Variants in CYTH3 observed in about 807,000 individuals in gnomAD.
CYTH3 encodes the protein cytohesin-3.
A neutral mutation model predicts 55.1 loss-of-function variants in CYTH3; 23 were observed. That is an observed-to-expected ratio of 0.42 (90% CI 0.30 to 0.59). CYTH3 has a LOEUF of 0.59. Ranked by LOEUF, CYTH3 falls within the 20% of genes least tolerant of loss-of-function variation. The probability of loss-of-function intolerance (pLI) is 0.20; values close to 1 mark genes in which losing one functional copy is unlikely to be tolerated. For missense variants in CYTH3, 413 were observed against 524.8 expected (o/e 0.79, Z 2.08); for synonymous variants, 249 against 194.9 (o/e 1.28, Z -2.31).
rs1041246728 is a variant in CYTH3 at position 6,164,033 on chromosome 7, A to G, written c.*911T>C. The G allele has an allele frequency of 1.3e-5, 2 of 152,192 alleles. No individual in the cohort carries two copies. Among genetic ancestry groups the G allele is most frequent in the Non-Finnish European group, 2.9e-5 (2 of 68,024 alleles). The allele number at this position is 152,192 out of a possible 1,614,324, so 9.4% of individuals were successfully genotyped here. ...TCCTAGGAGTTAGCAGTTACAGCCT[A>G]AACACCCCCAAACCATTAACTGTTA... On this transcript the variant is annotated 3_prime_UTR_variant, in exon 13 of 13. Transcript: ENST00000350796.
intron 1 of CYTH3, among the ~76,000 whole-genome samples, chr7:6,228,154 T>C (rs1252160251): frequency 6.6e-6 from 1 of 152,250 alleles, no homozygotes; most frequent in African/African-American, 2.4e-5. Flanking sequence ...TCCTTGATTC[T>C]CTATTCCCTT....
chr7:6,253,763 C>A (rs1780032662), intron 1 of CYTH3, among the ~76,000 whole-genome samples: 1 of 151,970 alleles, frequency 6.6e-6, no homozygotes, highest in South Asian at 2.1e-4. Flanking sequence ...TTGCAGTGAG[C>A]CGAGATCATG....
chr7:6,243,700 C>G (rs1488976825), intron 1 of CYTH3, among the ~76,000 whole-genome samples: 1 of 152,160 alleles, frequency 6.6e-6, no homozygotes, highest in African/African-American at 2.4e-5. Flanking sequence ...TAGAATATTC[C>G]TTCCGGCCCT....
intron 6 of CYTH3, 141 bp downstream of exon 6, chr7:6,173,512 G>C: frequency 1.5e-6 from 1 of 682,654 alleles, no homozygotes; most frequent in South Asian, 1.7e-5. Context: ...GCATTAGCTG[G>C]ATCATCCGGA....
At chr7:6,264,525 T>A (rs1780435956) in intron 1 of CYTH3, among the ~76,000 whole-genome samples, 1 of 152,084 alleles carries the variant, frequency 6.6e-6, no homozygotes, top group Non-Finnish European at 1.5e-5. Flanking sequence ...GGCAGAAGAA[T>A]CGCTTGCACC....
chr7:6,245,671 G>A (rs558327310), intron 1 of CYTH3, among the ~76,000 whole-genome samples: 4 of 152,216 alleles, frequency 2.6e-5, no homozygotes, highest in Non-Finnish European at 4.4e-5. Flanking sequence ...TCGGGAGGCC[G>A]AGGCAGGCGG....
chr7:6,186,364 G>T (rs759846075), intron 4 of CYTH3, among the ~76,000 whole-genome samples: 1 of 151,828 alleles, frequency 6.6e-6, no homozygotes, highest in Non-Finnish European at 1.5e-5. Context: ...TGAAGACTCA[G>T]GTCTACCCTT....
At chr7:6,173,449 C>T (rs573864307) in intron 6 of CYTH3, among the ~76,000 whole-genome samples, 1 of 152,324 alleles carries the variant, frequency 6.6e-6, no homozygotes, top group East Asian at 1.9e-4. Flanking sequence ...AAGCACGGCC[C>T]TTATCTTAAG....
intron 1 of CYTH3, among the ~76,000 whole-genome samples, chr7:6,208,538 A>G (rs534766421): frequency 2.7e-4 from 39 of 142,438 alleles, no homozygotes; most frequent in African/African-American, 1.2e-3. Context: ...ATTCTAGCTC[A>G]TTTTCTTTTC....
At chr7:6,272,410 G>GGGGGGGGGGGCCGGCC in intron 1 of CYTH3, 64 bp downstream of exon 1, 1 of 1,216,618 alleles carries the variant, frequency 8.2e-7, no homozygotes, top group Non-Finnish European at 1.1e-6. Context: ...CCGCGCCCTC[G>GGGGGGGGGGGCCGGCC]ACCCCCAGCC....
At position 6,170,802 on chromosome 7, in the gene CYTH3, G is replaced by GGCA. The variant is rs1783162673; in HGVS notation, c.711+25_711+27dup. ...CTCACAGCGAAGAGATCCTGCAGAC[G>GGCA]GCAGCGGCCGCGGGCCGGGGAGCTC... On this transcript the variant is annotated intron_variant, in intron 8 of 12. Transcript: ENST00000350796. This position sits in a 1 kb window ranked among gnomAD's most constrained non-coding sequence, Gnocchi z 7.8. 1.3e-6 allele frequency: 2 copies of GGCA among 1,597,888 alleles called. No homozygotes were observed. The highest frequency in any genetic ancestry group is 3.4e-5 in the Admixed American group (2 of 58,200).
At position 6,201,762 on chromosome 7, in the gene CYTH3, G is replaced by A. The variant is rs7795151; in HGVS notation, c.35-11231C>T. 2.7e-3 allele frequency among the ~76,000 whole-genome samples: 415 copies of A among 152,172 alleles called. 3 individuals carry two copies. Among genetic ancestry groups the A allele is most frequent in the Middle Eastern group, 0.01 (3 of 292 alleles). On this transcript the variant is annotated intron_variant, in intron 1 of 12. Transcript: ENST00000350796. ...AGTTCTTAGGGTTCGAAGGCGGAGC[G>A]GATAGATGATTAACTTTAGACTTGT... is the stretch of plus-strand genomic sequence containing the variant.
At chr7:6,199,527 C>G (rs1784012730) in intron 1 of CYTH3, among the ~76,000 whole-genome samples, 1 of 152,160 alleles carries the variant, frequency 6.6e-6, no homozygotes, top group African/African-American at 2.4e-5. Flanking sequence ...TAACAAAATT[C>G]TACACCCTGC....
intron 1 of CYTH3, among the ~76,000 whole-genome samples, chr7:6,241,861 T>C (rs1359205991): frequency 2.0e-5 from 3 of 152,134 alleles, no homozygotes; most frequent in African/African-American, 7.2e-5. Flanking sequence ...CTCCAGATAT[T>C]ACATGAAAAA....
At chr7:6,165,922 C>T (rs1458984003) in intron 9 of CYTH3, 112 bp from the exon 10 acceptor site, 16 of 1,073,538 alleles carry the variant, frequency 1.5e-5, no homozygotes, top group Non-Finnish European at 2.1e-5. Context: ...GGCCACCAGG[C>T]GCCAGGCTTG....
intron 1 of CYTH3, among the ~76,000 whole-genome samples, chr7:6,220,152 C>G (rs898876786): frequency 6.6e-6 from 1 of 152,132 alleles, no homozygotes; most frequent in Non-Finnish European, 1.5e-5. Flanking sequence ...CCGCCTCGGC[C>G]TCCCAAAGTG....
intron 1 of CYTH3, among the ~76,000 whole-genome samples, chr7:6,225,680 AT>A (rs746185298): frequency 3.1e-3 from 422 of 137,346 alleles, no homozygotes; most frequent in Non-Finnish European, 3.0e-3. Flanking sequence ...TTTTTGAAGA[AT>A]TTTTTTTTTT....
At chr7:6,258,518 A>G (rs1227285771) in intron 1 of CYTH3, among the ~76,000 whole-genome samples, 1 of 152,176 alleles carries the variant, frequency 6.6e-6, no homozygotes, top group African/African-American at 2.4e-5. Context: ...TTGTGGTGAT[A>G]AAGTCCTCTT....
At chr7:6,254,410 T>G (rs771017307) in intron 1 of CYTH3, among the ~76,000 whole-genome samples, 1 of 152,242 alleles carries the variant, frequency 6.6e-6, no homozygotes, top group Non-Finnish European at 1.5e-5. Context: ...AGAATGTCCT[T>G]AGAAGACGAG....
Sources: allele counts gnomAD v4.1 joint callset (sites outside exome capture counted in the v4.1 genomes callset), GRCh38; gene constraint gnomAD v4.1.1; non-coding constraint Gnocchi (gnomAD v3.1); transcripts MANE v1.5; gene names NCBI Gene and HGNC (gene_info 2026-07-23, HGNC 2026-07-21).